Variants in ZNF667 observed in about 807,000 individuals in gnomAD.
ZNF667 encodes the protein zinc finger protein 667, also known as myocardial ischemic preconditioning upregulated 1 ortholog.
ZNF667 carries 13 observed loss-of-function variants against 31.8 expected under a neutral mutation model. That is an observed-to-expected ratio of 0.41 (90% CI 0.27 to 0.65). The LOEUF (loss-of-function observed/expected upper bound fraction) is 0.65. Ranked by LOEUF, ZNF667 falls within the 30% of genes least tolerant of loss-of-function variation. The pLI is 0.32. For synonymous variants in ZNF667, 228 were observed against 247.1 expected (o/e 0.92, Z 0.73); for missense variants, 642 against 725.6 (o/e 0.88, Z 1.32).
chr19:56,447,335 G>A (rs551938551), intron 6 of ZNF667, among the ~76,000 whole-genome samples: 21 of 152,142 alleles, frequency 1.4e-4, no homozygotes, highest in African/African-American at 3.6e-4. Context: ...GAAAGATCAC[G>A]AAAAAACAAT....
At chr19:56,462,736 C>CAGT (rs1275140268) in intron 3 of ZNF667, among the ~76,000 whole-genome samples, 1 of 152,194 alleles carries the variant, frequency 6.6e-6, no homozygotes, top group African/African-American at 2.4e-5. Flanking sequence ...CCAGCTGTCC[C>CAGT]AGGTACTGGG....
chr19:56,457,022 G>A (rs1006923574), intron 6 of ZNF667, among the ~76,000 whole-genome samples: 7 of 151,996 alleles, frequency 4.6e-5, no homozygotes, highest in African/African-American at 9.7e-5. Context: ...CCAGACGCTC[G>A]AGGTGGTGCC....
At chr19:56,477,702 A>G (rs984671508), upstream of ZNF667, 34 of 152,272 alleles carry the variant, frequency 2.2e-4, no homozygotes, top group Admixed American at 2.0e-3. Flanking sequence ...AACCTCCCCA[A>G]TTCGCCGCCT....
intron 3 of ZNF667, among the ~76,000 whole-genome samples, chr19:56,465,987 C>A (rs2043150955): frequency 6.6e-6 from 1 of 152,208 alleles, no homozygotes; most frequent in African/African-American, 2.4e-5. Context: ...TTGTTATCTG[C>A]CAACCAGAGA....
intron 6 of ZNF667, among the ~76,000 whole-genome samples, chr19:56,455,776 T>C (rs891275970): frequency 1.3e-5 from 2 of 152,180 alleles, no homozygotes; most frequent in African/African-American, 4.8e-5. Context: ...ACAATAGGAA[T>C]GTTTGTAACA....
intron 6 of ZNF667, among the ~76,000 whole-genome samples, chr19:56,453,553 G>GAT (rs1257186659): frequency 6.6e-6 from 1 of 152,142 alleles, no homozygotes; most frequent in Non-Finnish European, 1.5e-5. Flanking sequence ...GCAAATCAAT[G>GAT]ATATATATAA....
chr19:56,464,337 T>C (rs1052200544), intron 3 of ZNF667, among the ~76,000 whole-genome samples: 1 of 151,888 alleles, frequency 6.6e-6, no homozygotes, highest in African/African-American at 2.4e-5. Flanking sequence ...CTATAAAACA[T>C]TAAAAAATTA....
intron 6 of ZNF667, among the ~76,000 whole-genome samples, chr19:56,447,330 A>AAGG (rs1440173109): frequency 6.6e-6 from 1 of 152,210 alleles, no homozygotes; most frequent in East Asian, 1.9e-4. Flanking sequence ...AAGGGGAAAG[A>AAGG]TCACGAAAAA....
intron 6 of ZNF667, among the ~76,000 whole-genome samples, chr19:56,448,777 C>T (rs757667466): frequency 7.9e-5 from 12 of 152,174 alleles, no homozygotes; most frequent in Non-Finnish European, 1.8e-4. Context: ...GAATTTACCA[C>T]CTGATGAATT....
intron 4 of ZNF667, among the ~76,000 whole-genome samples, 196 bp downstream of exon 4, chr19:56,462,142 G>A (rs2043057964): frequency 6.6e-6 from 1 of 152,236 alleles, no homozygotes; most frequent in African/African-American, 2.4e-5. Context: ...TGGGAATGGA[G>A]AGAGGCTCGC....
chr19:56,466,767 A>T (rs545498144), intron 3 of ZNF667, among the ~76,000 whole-genome samples: 1 of 152,304 alleles, frequency 6.6e-6, no homozygotes, highest in East Asian at 1.9e-4. Context: ...AGTGCAGCCC[A>T]CTTTACTCAG....
At chr19:56,455,739 T>C (rs1044151582) in intron 6 of ZNF667, among the ~76,000 whole-genome samples, 1 of 152,210 alleles carries the variant, frequency 6.6e-6, no homozygotes, top group Non-Finnish European at 1.5e-5. Context: ...AATACTTTGT[T>C]GTACATTTTA....
chr19:56,473,472 T>A (rs2043336119), intron 2 of ZNF667, among the ~76,000 whole-genome samples: 1 of 152,194 alleles, frequency 6.6e-6, no homozygotes, highest in South Asian at 2.1e-4. Flanking sequence ...AATGGCTAAG[T>A]GAATATTACA....
At chr19:56,457,796 A>G (rs192811501) in intron 6 of ZNF667, among the ~76,000 whole-genome samples, 1 of 152,284 alleles carries the variant, frequency 6.6e-6, no homozygotes, top group East Asian at 1.9e-4. Flanking sequence ...CCAAATGCCT[A>G]TGTTGAAATT....
At chr19:56,477,105 C>T (rs892191702) in intron 1 of ZNF667, 167 bp downstream of exon 1, 3 of 152,180 alleles carry the variant, frequency 2.0e-5, no homozygotes, top group African/African-American at 7.2e-5. Context: ...CGTGGCGGGC[C>T]GAGAACCCAC....
chr19:56,459,750 T>A (rs540020947), intron 5 of ZNF667, among the ~76,000 whole-genome samples: 1 of 152,136 alleles, frequency 6.6e-6, no homozygotes, highest in Non-Finnish European at 1.5e-5. Context: ...TCCCAGCACT[T>A]TGGGAGGCCG....
At position 56,448,052 on chromosome 19, in the gene ZNF667, A is replaced by G. The variant is rs550616015; in HGVS notation, c.254-5311T>C. ...TGAGCAATCAAAGTATCAAGTTTTA[A>G]CATCGTATTCAAAGAAAGAGGCACT... On this transcript the variant is annotated intron_variant, in intron 6 of 6. Coordinates refer to ENST00000504904, the MANE Select transcript of ZNF667 (RefSeq NM_001321356.2). 4.6e-5 allele frequency among the ~76,000 whole-genome samples: 7 copies of G among 152,292 alleles called. No individual in the cohort carries two copies. In the South Asian group the frequency reaches 1.5e-3, roughly 32 times the overall value.
At position 56,468,643 on chromosome 19, in the gene ZNF667, T is replaced by C. The variant is rs1386157551; in HGVS notation, c.-60+3056A>G. On this transcript the variant is annotated intron_variant, in intron 3 of 6. Transcript: ENST00000504904. Reference sequence around the variant, plus strand: ...GCCTTGGCAAAATAAACTTTCTAAATTGACTGAGACTTGTCTCCGATATTT... The same window carrying C: ...GCCTTGGCAAAATAAACTTTCTAAACTGACTGAGACTTGTCTCCGATATTT... 3.3e-5 allele frequency: 5 copies of C among 152,342 alleles called. No individual in the cohort carries two copies. The East Asian group carries it at 7.7e-4, about 23-fold the overall frequency. The allele number at this position is 152,342 out of a possible 1,614,324, so 9.4% of individuals were successfully genotyped here. A position where few individuals can be genotyped will look rare whatever the true frequency, so the allele number is the denominator to read the frequency against.
chr19:56,454,263 T>C (rs544079236), intron 6 of ZNF667, among the ~76,000 whole-genome samples: 7 of 152,248 alleles, frequency 4.6e-5, no homozygotes, highest in African/African-American at 1.7e-4. Flanking sequence ...CCCAAATTAA[T>C]CTACAGATTC....
Sources: allele counts gnomAD v4.1 joint callset (sites outside exome capture counted in the v4.1 genomes callset), GRCh38; gene constraint gnomAD v4.1.1; transcripts MANE v1.5; gene names NCBI Gene and HGNC (gene_info 2026-07-23, HGNC 2026-07-21).